Variants in GIGYF2 observed in about 807,000 individuals in gnomAD.
GIGYF2 encodes GRB10-interacting GYF protein 2.
In GIGYF2, 25 loss-of-function variants were observed where a neutral mutation model predicts 208.1. That is an observed-to-expected ratio of 0.12 (90% confidence interval 0.09 to 0.17). The LOEUF is 0.17. Among genes scored for constraint, GIGYF2 ranks in the 10% least tolerant of loss-of-function variants. The pLI is 1.00. For synonymous variants in GIGYF2, 534 were observed against 543.8 expected (o/e 0.98, Z 0.25); for missense variants, 1,302 against 1,579.4 (o/e 0.82, Z 2.98).
In GIGYF2 at chr2:232,858,010, G is replaced by A. The variant is rs977792284; in HGVS notation, c.*1150G>A. On this transcript the variant is annotated 3_prime_UTR_variant, in exon 29 of 29. Coordinates refer to ENST00000373563, the MANE Select transcript of GIGYF2 (RefSeq NM_001103146.3). ...CAGGAGGATGCAGTGGGCTGGAGGG[G>A]ATGGGCGAAAATGGGAGCAGGAAGC... The A allele has an allele frequency of 1.2e-5, 2 of 165,736 alleles. No individual in the cohort carries two copies. Among genetic ancestry groups the A allele is most frequent in the Non-Finnish European group, 2.6e-5 (2 of 77,488 alleles). The allele number at this position is 165,736 out of a possible 1,614,324, so 10.3% of individuals were successfully genotyped here.
chr2:232,823,141 A>G (rs973008432), intron 21 of GIGYF2, among the ~76,000 whole-genome samples: 8 of 152,046 alleles, frequency 5.3e-5, no homozygotes, highest in Non-Finnish European at 1.0e-4. Flanking sequence ...AATTATTAAT[A>G]TTAATATTAA....
intron 28 of GIGYF2, among the ~76,000 whole-genome samples, chr2:232,850,946 CA>C (rs1690290967): frequency 6.6e-6 from 1 of 152,170 alleles, no homozygotes; most frequent in South Asian, 2.1e-4. Flanking sequence ...CCCAGTGTTA[CA>C]TAGCTTTCTG....
chr2:232,847,899 T>C (rs1490626033), intron 27 of GIGYF2, among the ~76,000 whole-genome samples: 1 of 152,226 alleles, frequency 6.6e-6, no homozygotes, highest in Non-Finnish European at 1.5e-5. Flanking sequence ...ATGTTGAATT[T>C]TCCAGTGTTC....
At chr2:232,825,851 C>A (rs1223681041) in intron 21 of GIGYF2, among the ~76,000 whole-genome samples, 1 of 150,372 alleles carries the variant, frequency 6.7e-6, no homozygotes, top group Non-Finnish European at 1.5e-5. Context: ...CTATCCCTCC[C>A]CCAGCCCCCC....
At chr2:232,817,794 T>G (rs564373231) in intron 20 of GIGYF2, among the ~76,000 whole-genome samples, 2 of 152,384 alleles carry the variant, frequency 1.3e-5, no homozygotes, top group Non-Finnish European at 2.9e-5. Context: ...GACATTTAGA[T>G]GACTTCCACG....
In GIGYF2 at chr2:232,729,842, C is replaced by T. The variant is rs1697371888; in HGVS notation, c.-43-5313C>T. On this transcript the variant is annotated intron_variant, in intron 2 of 28. Coordinates refer to ENST00000373563, the MANE Select transcript of GIGYF2 (RefSeq NM_001103146.3). ...GATTCATATTGTGGAAGGTGTTCTT[C>T]CCTTAGCCTCTTCGTTTCTTCACTT... 7 of 737,696 alleles carry T rather than the reference C, an allele frequency of 9.5e-6. No individual in the cohort carries two copies. The South Asian group carries it at 9.8e-5, about 10-fold the overall frequency. The allele number at this position is 737,696 out of a possible 1,614,324, so 45.7% of individuals were successfully genotyped here.
intron 3 of GIGYF2, among the ~76,000 whole-genome samples, chr2:232,737,415 A>G (rs370434480): frequency 6.6e-6 from 1 of 152,184 alleles, no homozygotes; most frequent in Non-Finnish European, 1.5e-5. Context: ...AATTGCAGAC[A>G]TTAGAGCTTA....
At chr2:232,729,754 C>T (rs1396951336) in intron 2 of GIGYF2, 2 of 751,320 alleles carry the variant, frequency 2.7e-6, no homozygotes, top group Non-Finnish European at 4.9e-6. Flanking sequence ...TCTTATCATC[C>T]CAAGGTTTCA....
intron 2 of GIGYF2, among the ~76,000 whole-genome samples, chr2:232,724,025 C>T (rs113543770): frequency 0.1 from 15,238 of 150,806 alleles, 1,100 homozygotes; most frequent in African/African-American, 0.19. Context: ...TGAGCCACTG[C>T]GCCCAGCCTT....
intron 21 of GIGYF2, among the ~76,000 whole-genome samples, chr2:232,823,866 G>A (rs1440007766): frequency 1.3e-5 from 2 of 152,130 alleles, no homozygotes; most frequent in Non-Finnish European, 2.9e-5. Context: ...AGGGCTTGTG[G>A]CAGCCCTGCA....
intron 22 of GIGYF2, among the ~76,000 whole-genome samples, chr2:232,836,819 A>C (rs1184839875): frequency 1.3e-5 from 2 of 152,068 alleles, no homozygotes; most frequent in Admixed American, 6.5e-5. Context: ...ACTGTTTCTG[A>C]AAACACCATT....
At chr2:232,801,676 A>G (rs1293070440) in intron 14 of GIGYF2, among the ~76,000 whole-genome samples, 1 of 152,252 alleles carries the variant, frequency 6.6e-6, no homozygotes, top group African/African-American at 2.4e-5. Context: ...TTAAGAGTAC[A>G]ATACATTGTT....
At chr2:232,772,152 C>T (rs368516896) in intron 8 of GIGYF2, among the ~76,000 whole-genome samples, 8 of 152,254 alleles carry the variant, frequency 5.3e-5, no homozygotes, top group African/African-American at 1.9e-4. Flanking sequence ...GTTCTCAAGC[C>T]ATCTTCCCAC....
At chr2:232,834,940 T>C (rs772699488) in intron 22 of GIGYF2, among the ~76,000 whole-genome samples, 1 of 152,220 alleles carries the variant, frequency 6.6e-6, no homozygotes, top group African/African-American at 2.4e-5. Context: ...CGTGTACTTA[T>C]CTCCTAAATA....
At position 232,796,010 on chromosome 2, in the gene GIGYF2, A is replaced by G. The variant is rs946574452; in HGVS notation, c.1480-52A>G. ...GGCAGGCACTGTTATTATGTGTACAAGTACTAATTTAGGATCATTTGTTTC... is the reference window on the plus strand; with the variant it reads ...GGCAGGCACTGTTATTATGTGTACAGGTACTAATTTAGGATCATTTGTTTC... On this transcript the variant is annotated intron_variant, in intron 13 of 28. Coordinates refer to ENST00000373563, the MANE Select transcript of GIGYF2 (RefSeq NM_001103146.3). 15 of 1,316,174 alleles carry G rather than the reference A, an allele frequency of 1.1e-5. No homozygotes were observed. The African/African-American group carries it at 1.6e-4, about 14-fold the overall frequency. The allele number at this position is 1,316,174 out of a possible 1,614,324, so 81.5% of individuals were successfully genotyped here.
At chr2:232,765,662 G>A (rs1309888716) in intron 8 of GIGYF2, 2 of 155,764 alleles carry the variant, frequency 1.3e-5, no homozygotes, top group Non-Finnish European at 2.8e-5. Flanking sequence ...AGGGTGAAAT[G>A]AAAGGATTAT....
chr2:232,820,024 G>A lies in GIGYF2; in HGVS notation c.2529+39G>A, dbSNP rs1194140839. 5.0e-6 allele frequency: 8 copies of A among 1,610,602 alleles called. No individual in the cohort carries two copies. In the African/African-American group the frequency reaches 8.0e-5, roughly 16 times the overall value. Reference sequence around the variant, plus strand: ...TTTGTCTTCTAATTGTTCCTTTGAAGCTGGGAATTAGTGATTTAGAAAATA... The same window carrying A: ...TTTGTCTTCTAATTGTTCCTTTGAAACTGGGAATTAGTGATTTAGAAAATA... On this transcript the variant is annotated intron_variant, in intron 21 of 28. Coordinates refer to ENST00000373563, the MANE Select transcript of GIGYF2 (RefSeq NM_001103146.3).
intron 2 of GIGYF2, among the ~76,000 whole-genome samples, chr2:232,724,087 C>T (rs539623438): frequency 1.3e-5 from 2 of 151,928 alleles, no homozygotes; most frequent in Admixed American, 6.6e-5. Flanking sequence ...GTCACCCAGG[C>T]TGGAGTGCAG....
At chr2:232,713,080 C>CT (rs10636543) in intron 2 of GIGYF2, among the ~76,000 whole-genome samples, 90,706 of 146,444 alleles carry the variant, frequency 0.62, 28,497 homozygotes, top group African/African-American at 0.7. Flanking sequence ...GAAAAAACTT[C>CT]TTTTTTTTTT....
Sources: gnomAD v4.1 joint callset for allele counts (sites outside exome capture counted in the v4.1 genomes callset) on GRCh38, gnomAD v4.1.1 for gene constraint, MANE v1.5 for transcripts, NCBI Gene and HGNC (gene_info 2026-07-23, HGNC 2026-07-21) for gene names.